Variants in ATG7 observed in about 807,000 individuals in gnomAD.
ATG7 encodes the protein ubiquitin-like modifier-activating enzyme ATG7.
In ATG7, 70 loss-of-function variants were observed where a neutral mutation model predicts 82.4. The ratio of observed to expected loss-of-function variants is 0.85; its 90% CI spans 0.70 to 1.04. The LOEUF (loss-of-function observed/expected upper bound fraction) is 1.04, where lower values mean the gene tolerates loss of function less well. Ranked by LOEUF, ATG7 falls within the 50% of genes least tolerant of loss-of-function variation. ATG7 has a pLI of 0.00. For synonymous variants in ATG7, 287 were observed against 313.0 expected, an observed-to-expected ratio of 0.92 and a Z score of 0.88; for missense variants, 792 against 864.3, an observed-to-expected ratio of 0.92 and a Z score of 1.05.
At chr3:11,435,018 GA>G (rs553582543) in intron 20 of ATG7, among the ~76,000 whole-genome samples, 120 of 151,776 alleles carry the variant, frequency 7.9e-4, no homozygotes, top group Non-Finnish European at 1.6e-3. Flanking sequence ...CTCCTTTCTA[GA>G]AAAAAATGAA....
intron 3 of ATG7, among the ~76,000 whole-genome samples, chr3:11,285,170 C>T (rs1375671298): frequency 1.5e-5 from 2 of 135,722 alleles, no homozygotes; most frequent in South Asian, 4.7e-4. Context: ...AAAAGCCCGG[C>T]CTTTTTTTTT....
At position 11,470,762 on chromosome 3, in the gene ATG7, C is replaced by T. The variant is rs186822520; in HGVS notation, c.2079+43836C>T. ...AGTAGAGGCCTTCCCTGAAGGGCCT[C>T]GGGAACTGAGCCGAGCCAGGAGAGG... On this transcript the variant is annotated intron_variant, in intron 20 of 20. Transcript: ENST00000693202. Among the ~76,000 whole-genome samples the T allele has an allele frequency of 5.3e-5, 8 of 152,272 alleles. No individual in the cohort carries two copies. The East Asian group carries it at 9.7e-4, about 18-fold the overall frequency.
intron 18 of ATG7, among the ~76,000 whole-genome samples, chr3:11,370,306 C>T (rs2076907325): frequency 6.6e-6 from 1 of 150,994 alleles, no homozygotes; most frequent in Non-Finnish European, 1.5e-5. Context: ...TGGCTCATGT[C>T]CAGCTTAGTT....
intron 9 of ATG7, among the ~76,000 whole-genome samples, chr3:11,325,671 CA>C (rs879330549): frequency 0.026 from 2,712 of 103,656 alleles, 56 homozygotes; most frequent in African/African-American, 0.078. Flanking sequence ...AACTACATCT[CA>C]AAAAAAAAAA....
At chr3:11,460,037 C>A (rs144558373) in intron 20 of ATG7, among the ~76,000 whole-genome samples, 1 of 152,338 alleles carries the variant, frequency 6.6e-6, no homozygotes, top group East Asian at 1.9e-4. Flanking sequence ...CACAGCTCAG[C>A]ATCCCAACTC....
intron 20 of ATG7, among the ~76,000 whole-genome samples, chr3:11,433,349 C>T (rs12637318): frequency 0.18 from 23,556 of 134,570 alleles, 2,701 homozygotes; most frequent in South Asian, 0.39. Flanking sequence ...CAGTCTAAAT[C>T]AAACATATGA....
chr3:11,519,587 T>G (rs2092386719), intron 20 of ATG7, among the ~76,000 whole-genome samples: 1 of 122,496 alleles, frequency 8.2e-6, no homozygotes, highest in Admixed American at 9.8e-5. Flanking sequence ...TGAGACGGAG[T>G]CTCTCTCTGT....
At position 11,312,269 on chromosome 3, in the gene ATG7, AT is replaced by A. The variant is rs1471805370; in HGVS notation, c.412-1033del. On this transcript the variant is annotated intron_variant, in intron 7 of 20. Coordinates refer to ENST00000693202, the MANE Select transcript of ATG7 (RefSeq NM_001349232.2). ...AATATTAATTAGCTACATAAACTGCATTCATATTCAGTGGTCACAGGCTTGT... is the reference window on the plus strand; with the variant it reads ...AATATTAATTAGCTACATAAACTGCATCATATTCAGTGGTCACAGGCTTGT... 2.0e-5 allele frequency among the ~76,000 whole-genome samples: 3 copies of A among 152,330 alleles called. No homozygotes were observed. In the East Asian group the frequency reaches 5.8e-4, roughly 29 times the overall value.
the ATG7 span, chr3:11,568,496 G>T: frequency 6.9e-7 from 1 of 1,447,266 alleles, no homozygotes; most frequent in Non-Finnish European, 9.5e-7. The surrounding 1 kb of genome is among the most constrained non-coding windows in gnomAD (Gnocchi z 5.9). Context: ...AAGACAGTCC[G>T]TGGAACACAG....
At chr3:11,315,307 A>G (rs773351534) in intron 8 of ATG7, 37 bp from the exon 9 acceptor site, 18 of 1,477,520 alleles carry the variant, frequency 1.2e-5, no homozygotes, top group Non-Finnish European at 1.5e-5. Flanking sequence ...TAGAAATGTA[A>G]TTTTCTAGAG....
chr3:11,392,583 C>T (rs753752507), intron 19 of ATG7, among the ~76,000 whole-genome samples: 4 of 152,114 alleles, frequency 2.6e-5, no homozygotes, highest in Non-Finnish European at 5.9e-5. Context: ...GCAAAACCCA[C>T]ACCCCAAGGC....
chr3:11,560,228 T>C (rs2072859207), downstream of ATG7, among the ~76,000 whole-genome samples: 1 of 152,170 alleles, frequency 6.6e-6, no homozygotes, highest in African/African-American at 2.4e-5. Flanking sequence ...GGTGCTCCCG[T>C]AAGACCATGC....
In ATG7 at chr3:11,489,880, G is replaced by C. The variant is rs572290689; in HGVS notation, c.2079+62954G>C. The stretch of plus-strand genomic sequence containing the variant: ...TTTCTGATCTTTTACATTTGCTGAG[G>C]AGTGCTTTACTTCCAAGTATGTGGT... On this transcript the variant is annotated intron_variant, in intron 20 of 20. Coordinates refer to ENST00000693202, the MANE Select transcript of ATG7 (RefSeq NM_001349232.2). 2.0e-3 allele frequency among the ~76,000 whole-genome samples: 304 copies of C among 152,174 alleles called. 2 individuals are homozygous for C. Among genetic ancestry groups the C allele is most frequent in the African/African-American group, 6.8e-3 (283 of 41,502 alleles).
chr3:11,515,495 G>A (rs935081582), intron 20 of ATG7, among the ~76,000 whole-genome samples: 1 of 152,058 alleles, frequency 6.6e-6, no homozygotes, highest in African/African-American at 2.4e-5. Context: ...GTAGAGACGG[G>A]GTTTTGCTGT....
intron 6 of ATG7, 26 bp from the exon 7 acceptor site, chr3:11,308,958 C>T (rs1462210743): frequency 6.2e-7 from 1 of 1,600,876 alleles, no homozygotes; most frequent in African/African-American, 1.3e-5. Flanking sequence ...TGGTAACCTG[C>T]CTTGATGCTT....
chr3:11,469,988 C>CAAAAAAAAAAAAAAAAAAA (rs10628540), intron 20 of ATG7, among the ~76,000 whole-genome samples: 2 of 87,542 alleles, frequency 2.3e-5, no homozygotes, highest in African/African-American at 9.6e-5. Flanking sequence ...GACTCCATCT[C>CAAAAAAAAAAAAAAAAAAA]AAAAAAAAAA....
chr3:11,274,013 C>T (rs1047429157), intron 1 of ATG7, among the ~76,000 whole-genome samples: 11 of 152,174 alleles, frequency 7.2e-5, no homozygotes, highest in Admixed American at 6.5e-4. Flanking sequence ...AAGCTGCTTG[C>T]AGGTGTGTGT....
At chr3:11,386,915 C>G (rs2078361372) in intron 19 of ATG7, among the ~76,000 whole-genome samples, 1 of 152,204 alleles carries the variant, frequency 6.6e-6, no homozygotes, top group African/African-American at 2.4e-5. Context: ...AACCTCAGAA[C>G]TCTTGGCTCT....
At chr3:11,447,093 G>A (rs1048503360) in intron 20 of ATG7, among the ~76,000 whole-genome samples, 13 of 152,194 alleles carry the variant, frequency 8.5e-5, no homozygotes, top group Non-Finnish European at 1.5e-5. Flanking sequence ...GTCATTTTCA[G>A]TGAAAAACCT....
Sources: gnomAD v4.1 joint callset for allele counts (sites outside exome capture counted in the v4.1 genomes callset) on GRCh38, gnomAD v4.1.1 for gene constraint, Gnocchi (gnomAD v3.1) non-coding constraint, MANE v1.5 for transcripts, NCBI Gene and HGNC (gene_info 2026-07-23, HGNC 2026-07-21) for gene names.